Variants in PPP2R5E observed in about 807,000 individuals in gnomAD.
The protein encoded by PPP2R5E is protein phosphatase 2 regulatory subunit B'epsilon.
In PPP2R5E, 4 loss-of-function variants were observed where a neutral mutation model predicts 65.3. The ratio of observed to expected loss-of-function variants is 0.06; its 90% CI spans 0.03 to 0.14. The LOEUF is 0.14. Among genes scored for constraint, PPP2R5E ranks in the 10% least tolerant of loss-of-function variants. PPP2R5E has a pLI of 1.00. For synonymous variants in PPP2R5E, 183 were observed against 187.4 expected, an observed-to-expected ratio of 0.98 and a Z score of 0.19; for missense variants, 274 against 556.1, an observed-to-expected ratio of 0.49 and a Z score of 5.10.
intron 3 of PPP2R5E, among the ~76,000 whole-genome samples, chr14:63,424,494 G>A (rs1039885837): frequency 5.9e-5 from 9 of 152,192 alleles, no homozygotes; most frequent in Non-Finnish European, 1.0e-4. Context: ...GCTCACGCCT[G>A]TAATCCCAGC....
intron 2 of PPP2R5E, among the ~76,000 whole-genome samples, chr14:63,514,737 T>C (rs1056946842): frequency 1.3e-5 from 2 of 152,192 alleles, no homozygotes; most frequent in African/African-American, 2.4e-5. Context: ...CATGGAATAT[T>C]GACCATTTCC....
chr14:63,508,828 A>G (rs575763367), intron 2 of PPP2R5E, among the ~76,000 whole-genome samples: 4 of 152,368 alleles, frequency 2.6e-5, no homozygotes, highest in African/African-American at 9.6e-5. Context: ...GCAGCAAAAC[A>G]TAAATTTCCA....
intron 2 of PPP2R5E, among the ~76,000 whole-genome samples, chr14:63,474,673 C>CAAAAAAAAAAAA (rs1157357885): frequency 7.2e-5 from 2 of 27,730 alleles, no homozygotes; most frequent in Non-Finnish European, 1.5e-4. Flanking sequence ...TACCCCATCT[C>CAAAAAAAAAAAA]AAAAAAAAAA....
chr14:63,464,530 G>A (rs561274415), intron 2 of PPP2R5E, among the ~76,000 whole-genome samples: 1 of 152,288 alleles, frequency 6.6e-6, no homozygotes, highest in Non-Finnish European at 1.5e-5. Flanking sequence ...GGCTGGAGCT[G>A]GAGTGGAAAG....
rs35587312 is a variant in PPP2R5E, at chr14:63,374,634, G to GATATATATATATATATATATATATATAT, written c.*1347_*1374dup. On this transcript the variant is annotated 3_prime_UTR_variant, in exon 14 of 14. Coordinates refer to ENST00000337537, the MANE Select transcript of PPP2R5E (RefSeq NM_006246.5). The stretch of plus-strand genomic sequence containing the variant: ...TAAATACAAAGCAGAGAGCCAATAA[G>GATATATATATATATATATATATATATAT]ATATATATATATATATATATATATA... The GATATATATATATATATATATATATATAT allele has an allele frequency of 3.7e-5, 4 of 109,570 alleles. No homozygotes were observed. The highest frequency in any genetic ancestry group is 1.9e-4 in the African/African-American group (4 of 20,670). The allele number at this position is 109,570 out of a possible 1,614,324, so 6.8% of individuals were successfully genotyped here. A position where few individuals can be genotyped will look rare whatever the true frequency, so the allele number is the denominator to read the frequency against.
At chr14:63,406,410 CAAAAA>C (rs569875121) in intron 5 of PPP2R5E, among the ~76,000 whole-genome samples, 2 of 83,316 alleles carry the variant, frequency 2.4e-5, no homozygotes, top group African/African-American at 4.1e-5. Context: ...GACTTCATCT[CAAAAA>C]AAAAAAAAAA....
At chr14:63,405,387 T>C (rs1429252935) in intron 5 of PPP2R5E, among the ~76,000 whole-genome samples, 1 of 152,246 alleles carries the variant, frequency 6.6e-6, no homozygotes, top group African/African-American at 2.4e-5. Context: ...GTTTGTGTCA[T>C]GTCCAATTTG....
At chr14:63,488,025 T>C (rs1032754052) in intron 2 of PPP2R5E, among the ~76,000 whole-genome samples, 1 of 152,204 alleles carries the variant, frequency 6.6e-6, no homozygotes, top group South Asian at 2.1e-4. Flanking sequence ...GAAGCACCTT[T>C]TACATTATAC....
intron 2 of PPP2R5E, among the ~76,000 whole-genome samples, chr14:63,466,078 T>TC (rs1889777904): frequency 6.6e-6 from 1 of 152,064 alleles, no homozygotes; most frequent in South Asian, 2.1e-4. Context: ...TGAGGGTCCT[T>TC]CCCCAAGAGA....
rs1002515747 is a variant in PPP2R5E at position 63,543,295 on chromosome 14, C to G, written c.-524G>C. On this transcript the variant is annotated 5_prime_UTR_variant, in exon 1 of 14. Coordinates refer to ENST00000337537, the MANE Select transcript of PPP2R5E (RefSeq NM_006246.5). ...TTCGCTACCCGCGGTGGGTCCCAGT[C>G]AATGCCCCTTTCTCTCTCCTATTGT... 1.0e-4 allele frequency: 16 copies of G among 153,628 alleles called. No individual in the cohort carries two copies. The highest frequency in any genetic ancestry group is 3.1e-4 in the African/African-American group (13 of 41,584). 9.5% of individuals were successfully genotyped at this position (153,628 alleles called of 1,614,324 possible).
chr14:63,527,589 A>G lies in PPP2R5E; in HGVS notation c.157+11940T>C, dbSNP rs72716308. On this transcript the variant is annotated intron_variant, in intron 2 of 13. Coordinates refer to ENST00000337537, the MANE Select transcript of PPP2R5E (RefSeq NM_006246.5). ...TTCTGGAATTTAATCTGACTCTATG[A>G]TATGGCTTCTATTACTCTCCCAGTT... Among the ~76,000 whole-genome samples the G allele has an allele frequency of 9.7e-3, 1,473 of 152,276 alleles. 21 individuals are homozygous for G. The highest frequency in any genetic ancestry group is 0.066 in the East Asian group (342 of 5,182).
At chr14:63,525,992 G>A (rs1893170411) in intron 2 of PPP2R5E, among the ~76,000 whole-genome samples, 1 of 152,120 alleles carries the variant, frequency 6.6e-6, no homozygotes, top group African/African-American at 2.4e-5. Flanking sequence ...AAGTAGCTGA[G>A]ATTACAGGCA....
chr14:63,469,459 G>A (rs905523048), intron 2 of PPP2R5E, among the ~76,000 whole-genome samples: 6 of 152,342 alleles, frequency 3.9e-5, no homozygotes, highest in East Asian at 3.9e-4. Context: ...TTGGGAGGCC[G>A]AGGCGGGCTG....
chr14:63,499,918 T>C (rs1386753089), intron 2 of PPP2R5E, among the ~76,000 whole-genome samples: 1 of 152,206 alleles, frequency 6.6e-6, no homozygotes, highest in Non-Finnish European at 1.5e-5. Context: ...CCTAGCCCAA[T>C]ATCTCCAGTT....
chr14:63,429,872 T>C (rs989077307), intron 3 of PPP2R5E, among the ~76,000 whole-genome samples: 54 of 152,024 alleles, frequency 3.6e-4, no homozygotes, highest in African/African-American at 1.2e-3. Flanking sequence ...TTAGTAGAGA[T>C]GGGGTTTCAC....
At chr14:63,455,088 T>A (rs1311641156) in intron 2 of PPP2R5E, among the ~76,000 whole-genome samples, 1 of 152,204 alleles carries the variant, frequency 6.6e-6, no homozygotes, top group Admixed American at 6.5e-5. Context: ...TTCTGGTAAA[T>A]GCTTTACAAT....
intron 4 of PPP2R5E, 138 bp downstream of exon 4, chr14:63,421,855 T>TA (rs1566689779): frequency 1.5e-6 from 1 of 669,496 alleles, no homozygotes; most frequent in Non-Finnish European, 2.5e-6. Flanking sequence ...ATAAGAAACA[T>TA]AAAAAACATT....
intron 2 of PPP2R5E, among the ~76,000 whole-genome samples, chr14:63,468,185 C>T (rs1019612341): frequency 2.0e-5 from 3 of 152,148 alleles, no homozygotes; most frequent in Non-Finnish European, 2.9e-5. Flanking sequence ...AGTGATAGCA[C>T]GAGCGTTTAA....
At chr14:63,441,840 G>A (rs1888254230) in intron 3 of PPP2R5E, among the ~76,000 whole-genome samples, 1 of 151,636 alleles carries the variant, frequency 6.6e-6, no homozygotes, top group Admixed American at 6.6e-5. Context: ...AACCTGGGAG[G>A]TGGAGCTTGC....
Sources: allele counts gnomAD v4.1 joint callset (sites outside exome capture counted in the v4.1 genomes callset), GRCh38; gene constraint gnomAD v4.1.1; transcripts MANE v1.5; gene names NCBI Gene and HGNC (gene_info 2026-07-23, HGNC 2026-07-21).